The following SH3KBP1 variants were observed in gnomAD, a reference collection of about 807,000 sequenced individuals.
SH3KBP1 encodes the protein SH3 domain containing kinase binding protein 1, also known as SH3 domain-containing kinase-binding protein 1.
SH3KBP1 carries 8 observed loss-of-function variants against 50.1 expected under a neutral mutation model. The observed-to-expected ratio is 0.16, with a 90% CI of 0.09 to 0.29. The LOEUF is 0.29. Ranked by LOEUF, SH3KBP1 falls within the 10% of genes least tolerant of loss-of-function variation. The pLI is 1.00. For missense variants in SH3KBP1, 377 were observed against 535.2 expected (o/e 0.70, Z 2.92); for synonymous variants, 227 against 218.6 (o/e 1.04, Z -0.34).
intron 6 of SH3KBP1, chrX:19,670,483 T>C: frequency 2.4e-6 from 1 of 408,783 alleles, no homozygotes; most frequent in Non-Finnish European, 3.1e-6. Context: ...CTCTGTGACA[T>C]GGTGTAACAG....
intron 1 of SH3KBP1, among the ~76,000 whole-genome samples, chrX:19,861,807 T>C (rs1050155050): frequency 1.8e-5 from 2 of 112,118 alleles, no homozygotes; most frequent in African/African-American, 3.2e-5. Context: ...AGCAGGAGCA[T>C]TGTCATGGTG....
intron 12 of SH3KBP1, among the ~76,000 whole-genome samples, chrX:19,584,981 A>G (rs1022222354): frequency 1.8e-5 from 2 of 112,273 alleles, no homozygotes; most frequent in African/African-American, 6.5e-5. Context: ...CCAGAGGACC[A>G]CTGACACAAG....
chrX:19,777,116 A>G (rs766379802), intron 2 of SH3KBP1, among the ~76,000 whole-genome samples: 107 of 111,502 alleles, frequency 9.6e-4, no homozygotes, highest in Non-Finnish European at 1.6e-3. Context: ...TTGAGGATAA[A>G]AAAGGTATGC....
chrX:19,766,665 G>C (rs1244875027), intron 2 of SH3KBP1, among the ~76,000 whole-genome samples: 1 of 107,180 alleles, frequency 9.3e-6, no homozygotes, highest in Non-Finnish European at 1.9e-5. Flanking sequence ...CACCAGGCCT[G>C]GCTAATTTTT....
chrX:19,867,071 T>C (rs1427788810), intron 1 of SH3KBP1, among the ~76,000 whole-genome samples: 1 of 111,603 alleles, frequency 9.0e-6, no homozygotes, highest in Non-Finnish European at 1.9e-5. Flanking sequence ...TTTCACTCTT[T>C]CAACAAAATT....
At chrX:19,815,979 T>C (rs1030567067) in intron 2 of SH3KBP1, among the ~76,000 whole-genome samples, 2 of 112,538 alleles carry the variant, frequency 1.8e-5, no homozygotes, top group African/African-American at 3.2e-5. Flanking sequence ...TGTACAGGTT[T>C]TTCTGTGAAC....
intron 5 of SH3KBP1, among the ~76,000 whole-genome samples, chrX:19,693,591 A>C (rs2063349480): frequency 9.0e-6 from 1 of 111,509 alleles, no homozygotes; most frequent in Admixed American, 9.5e-5. Context: ...TAATTCAGTA[A>C]GTGTGTTGGG....
intron 6 of SH3KBP1, among the ~76,000 whole-genome samples, chrX:19,664,361 G>A (rs2062542783): frequency 9.0e-6 from 1 of 111,225 alleles, no homozygotes; most frequent in Non-Finnish European, 1.9e-5. Context: ...AACTGATATG[G>A]AAAAGTCAGG....
chrX:19,873,108 C>A (rs1026476076), intron 1 of SH3KBP1, among the ~76,000 whole-genome samples: 1 of 108,128 alleles, frequency 9.2e-6, no homozygotes, highest in Non-Finnish European at 1.9e-5. Flanking sequence ...AGAAAGGGGA[C>A]ATATGTCCAT....
chrX:19,827,272 A>C (rs888849166), intron 2 of SH3KBP1, among the ~76,000 whole-genome samples: 2 of 112,056 alleles, frequency 1.8e-5, no homozygotes, highest in Non-Finnish European at 3.8e-5. Context: ...CTTTTGCCGA[A>C]CACATACAAA....
At chrX:19,865,142 G>C (rs1415929116) in intron 1 of SH3KBP1, among the ~76,000 whole-genome samples, 1 of 112,670 alleles carries the variant, frequency 8.9e-6, no homozygotes, top group African/African-American at 3.2e-5. Flanking sequence ...TATGAAATGA[G>C]CAATGGAAGT....
intron 8 of SH3KBP1, among the ~76,000 whole-genome samples, chrX:19,617,643 A>G (rs910185560): frequency 2.7e-5 from 3 of 112,621 alleles, no homozygotes; most frequent in African/African-American, 9.7e-5. Context: ...AGAAGGATAA[A>G]TACATGCAGT....
intron 6 of SH3KBP1, among the ~76,000 whole-genome samples, chrX:19,682,719 G>A (rs1395078724): frequency 9.1e-6 from 1 of 109,964 alleles, no homozygotes; most frequent in Non-Finnish European, 1.9e-5. Context: ...TTAATTTCTA[G>A]GTATCTGCCC....
chrX:19,704,911 T>C (rs2063617947), intron 4 of SH3KBP1, among the ~76,000 whole-genome samples: 1 of 112,703 alleles, frequency 8.9e-6, no homozygotes, highest in Non-Finnish European at 1.9e-5. Flanking sequence ...CACATGTTTC[T>C]TCTTTCATTA....
At chrX:19,706,066 C>T (rs2063646870) in intron 4 of SH3KBP1, among the ~76,000 whole-genome samples, 1 of 111,843 alleles carries the variant, frequency 8.9e-6, no homozygotes, top group African/African-American at 3.3e-5. Flanking sequence ...GCCACTTCCA[C>T]TCACATGACA....
At position 19,740,920 on chromosome X, in the gene SH3KBP1, TCA is replaced by T. The variant is rs747445220; in HGVS notation, c.286+5396_286+5397del. On this transcript the variant is annotated intron_variant, in intron 3 of 17. Coordinates refer to ENST00000397821, the MANE Select transcript of SH3KBP1 (RefSeq NM_031892.3). Reference sequence around the variant, plus strand: ...GGGGAAGTGGGGAAAGGACGGGCAGTCACTTAGATCTGTTTAGGGCTTGGAAT... The same window carrying T: ...GGGGAAGTGGGGAAAGGACGGGCAGTCTTAGATCTGTTTAGGGCTTGGAAT... 142 of 198,653 alleles carry T rather than the reference TCA, an allele frequency of 7.1e-4. 5 individuals are homozygous for T. In the East Asian group the frequency reaches 0.013, roughly 18 times the overall value. The allele number at this position is 198,653 out of a possible 1,213,427, so 16.4% of individuals were successfully genotyped here. A position where few individuals can be genotyped will look rare whatever the true frequency, so the allele number is the denominator to read the frequency against.
intron 4 of SH3KBP1, among the ~76,000 whole-genome samples, chrX:19,705,847 T>G (rs1394617602): frequency 2.7e-5 from 3 of 112,215 alleles, no homozygotes; most frequent in African/African-American, 9.7e-5. Flanking sequence ...GGTTACAGTT[T>G]TATTGCACTG....
chrX:19,806,670 T>G (rs974559867), intron 2 of SH3KBP1, among the ~76,000 whole-genome samples: 1 of 111,841 alleles, frequency 8.9e-6, no homozygotes, highest in African/African-American at 3.3e-5. Flanking sequence ...TATTCTGCTG[T>G]GTAGTAAGAC....
chrX:19,774,540 A>G lies in SH3KBP1; in HGVS notation c.163-28099T>C, dbSNP rs1011852756. 5.2e-4 allele frequency among the ~76,000 whole-genome samples: 56 copies of G among 108,451 alleles called. 1 individual carries two copies. Among genetic ancestry groups the G allele is most frequent in the African/African-American group, 1.6e-3 (48 of 29,754 alleles). The allele number at this position is 108,451 out of a possible 115,157, so 94.2% of individuals were successfully genotyped here. ...CAAAAAATTAGCCAGGCGTGGTGGC[A>G]GGCGCCAGGAGTCCCAGCTACTCAG... is the stretch of plus-strand genomic sequence containing the variant. On this transcript the variant is annotated intron_variant, in intron 2 of 17. Coordinates refer to ENST00000397821, the MANE Select transcript of SH3KBP1 (RefSeq NM_031892.3).
Sources: allele counts gnomAD v4.1 joint callset (sites outside exome capture counted in the v4.1 genomes callset), GRCh38; gene constraint gnomAD v4.1.1; transcripts MANE v1.5; gene names NCBI Gene and HGNC (gene_info 2026-07-23, HGNC 2026-07-21).